Variants in RACK1 observed in about 807,000 individuals in gnomAD.
RACK1 encodes the protein receptor for activated C kinase 1, also known as small ribosomal subunit protein RACK1.
RACK1 carries 3 observed loss-of-function variants against 42.2 expected under a neutral mutation model. The ratio of observed to expected loss-of-function variants is 0.07; its 90% CI spans 0.03 to 0.18. RACK1 has a LOEUF of 0.18. RACK1 is among the 10% of genes least tolerant of loss of function. The pLI, the probability that RACK1 is intolerant of heterozygous loss-of-function variation, is 1.00. For missense variants in RACK1, 146 were observed against 403.2 expected, an observed-to-expected ratio of 0.36 and a Z score of 5.46; for synonymous variants, 181 against 154.8, an observed-to-expected ratio of 1.17 and a Z score of -1.25.
At chr5:181,242,493 T>C in intron 1 of RACK1, 148 bp from the exon 2 acceptor site, 1 of 673,070 alleles carries the variant, frequency 1.5e-6, no homozygotes, top group Non-Finnish European at 2.7e-6. Context: ...CAAGAGCAGT[T>C]ACAGACCAGG....
rs1381944212 is a variant in RACK1 at position 181,237,629 on chromosome 5, C to T, written c.868G>A (p.Ala290Thr). Residue 290 changes from alanine (A) to threonine (T), a missense_variant, in exon 7 of 8, where the codon GCC (alanine) becomes ACC (threonine). Coordinates refer to ENST00000512805, the MANE Select transcript of RACK1 (RefSeq NM_006098.5). ...CTTACCTGGCCATCAGCAGACCAGGCCAGGGAGGTGCACTGGGGTGGTTCT... is the reference window on the plus strand; with the variant it reads ...CTTACCTGGCCATCAGCAGACCAGGTCAGGGAGGTGCACTGGGGTGGTTCT... ...KAEPPQCTSL[A>T]WSADGQTLFA... The T allele has an allele frequency of 1.9e-6, 3 of 1,602,792 alleles. No individual in the cohort carries two copies. The highest frequency in any genetic ancestry group is 2.6e-6 in the Non-Finnish European group (3 of 1,169,652).
chr5:181,238,301 C>T lies in RACK1; in HGVS notation c.637-62G>A, dbSNP rs115830226. On this transcript the variant is annotated intron_variant, in intron 5 of 7. Coordinates refer to ENST00000512805, the MANE Select transcript of RACK1 (RefSeq NM_006098.5). Reference sequence around the variant, plus strand: ...TCTTCCAGATGTTAATTCTGCCCATCTCAAGATTCTGTCAGAATCAATTCT... The same window carrying T: ...TCTTCCAGATGTTAATTCTGCCCATTTCAAGATTCTGTCAGAATCAATTCT... 1,159 of 1,545,446 alleles carry T rather than the reference C, an allele frequency of 7.5e-4. 9 individuals are homozygous for T. In the African/African-American group the frequency reaches 0.014, roughly 19 times the overall value.
Position 181,239,143 on chromosome 5 carries a change from T to C in RACK1, c.560A>G (p.Asn187Ser). The change falls in exon 5 of 8, where the codon AAC (asparagine) becomes AGC (serine). Residue 187 changes from asparagine to serine, a missense_variant. Coordinates refer to ENST00000512805, the MANE Select transcript of RACK1 (RefSeq NM_006098.5). ...CAGATAGCCTGTGTGGCCAATGTGG[T>C]TGGTCTTCAGCTTGCAGTTAGCCAG... ...WNLANCKLKTNHIGHTGYLNT... is the reference protein window; with the variant it reads ...WNLANCKLKTSHIGHTGYLNT... 2 of 1,613,912 alleles carry C rather than the reference T, an allele frequency of 1.2e-6. No individual in the cohort carries two copies. Among genetic ancestry groups the C allele is most frequent in the Non-Finnish European group, 1.7e-6 (2 of 1,179,878 alleles).
chr5:181,239,644 C>G, intron 3 of RACK1, 62 bp from the exon 4 acceptor site: 1 of 1,041,250 alleles, frequency 9.6e-7, no homozygotes, highest in Non-Finnish European at 1.5e-6. Context: ...CTAGACCTCC[C>G]AGCCCTACCC....
intron 1 of RACK1, chr5:181,243,318 A>C (rs1319708087): frequency 2.9e-5 from 39 of 1,362,816 alleles, no homozygotes; most frequent in Non-Finnish European, 3.7e-5. Context: ...GCGGCAGCTC[A>C]GAAACAGCCT....
chr5:181,238,726 C>T (rs1334776230), intron 5 of RACK1: 8 of 368,550 alleles, frequency 2.2e-5, no homozygotes, highest in Middle Eastern at 9.3e-4. Flanking sequence ...TGCTTGAACC[C>T]GGGAGATGGT....
intron 3 of RACK1, 23 bp downstream of exon 3, chr5:181,241,469 T>C (rs1472199032): frequency 6.5e-7 from 1 of 1,544,572 alleles, no homozygotes; most frequent in Non-Finnish European, 8.8e-7. Context: ...GTGGAAGAGA[T>C]CCTTGGAGAT....
intron 5 of RACK1, chr5:181,238,463 CCAAT>C (rs1431155281): frequency 5.9e-6 from 3 of 508,500 alleles, no homozygotes; most frequent in African/African-American, 3.9e-5. Context: ...ATAAATCACT[CCAAT>C]CATTTCTGAA....
At chr5:181,237,483 C>G (rs1007822532) in intron 7 of RACK1, 126 bp downstream of exon 7, 3 of 690,620 alleles carry the variant, frequency 4.3e-6, no homozygotes, top group Non-Finnish European at 7.9e-6. Context: ...CCTCATCAAC[C>G]TGGCTTGTCA....
chr5:181,238,559 C>T (rs989189957), intron 5 of RACK1: 1 of 345,872 alleles, frequency 2.9e-6, no homozygotes, highest in African/African-American at 2.1e-5. Flanking sequence ...AATCCCAGCA[C>T]TTTGGGAAGC....
intron 6 of RACK1, 151 bp downstream of exon 6, chr5:181,237,946 ACC>A (rs1342130038): frequency 1.5e-6 from 1 of 657,218 alleles, no homozygotes; most frequent in African/African-American, 4.3e-5. Flanking sequence ...AGGACTGCAC[ACC>A]ACAACAGAGT....
intron 1 of RACK1, 93 bp from the exon 2 acceptor site, chr5:181,242,438 G>C: frequency 1.2e-6 from 1 of 831,820 alleles, no homozygotes; most frequent in East Asian, 2.6e-5. Flanking sequence ...TCATGAGTGG[G>C]TTAACAACAA....
chr5:181,239,183 T>A lies in RACK1; in HGVS notation c.526-6A>T. ...CAGTTAGCCAGGTTCCATACCTGCATAGACGTGCGGTTGACAGGTGAACAT... is the reference window on the plus strand; with the variant it reads ...CAGTTAGCCAGGTTCCATACCTGCAAAGACGTGCGGTTGACAGGTGAACAT... On this transcript the variant is annotated splice_polypyrimidine_tract_variant and splice_region_variant and intron_variant, in intron 4 of 7. Coordinates refer to ENST00000512805, the MANE Select transcript of RACK1 (RefSeq NM_006098.5). The A allele has an allele frequency of 6.3e-7, 1 of 1,583,792 alleles. No homozygotes were observed. Among genetic ancestry groups the A allele is most frequent in the Non-Finnish European group, 8.7e-7 (1 of 1,152,312 alleles).
In RACK1 at chr5:181,239,183, T is replaced by G. The variant is rs768888291; in HGVS notation, c.526-6A>C. The G allele has an allele frequency of 1.2e-5, 19 of 1,583,670 alleles. No homozygotes were observed. The highest frequency in any genetic ancestry group is 1.6e-5 in the Non-Finnish European group (19 of 1,152,318). The stretch of plus-strand genomic sequence containing the variant: ...CAGTTAGCCAGGTTCCATACCTGCA[T>G]AGACGTGCGGTTGACAGGTGAACAT... On this transcript the variant is annotated splice_polypyrimidine_tract_variant and splice_region_variant and intron_variant, in intron 4 of 7. Coordinates refer to ENST00000512805, the MANE Select transcript of RACK1 (RefSeq NM_006098.5).
At position 181,239,495 on chromosome 5, in the gene RACK1, G is replaced by C. The variant is rs1162683535; in HGVS notation, c.517C>G (p.Leu173Val). The change falls in exon 4 of 8, where the codon CTG becomes GTG. Residue 173 changes from leucine to valine, a missense_variant. Leu to Val is a conservative substitution (Grantham distance 32, BLOSUM62 1). Transcript: ENST00000512805. Reference protein sequence around the residue: ...PIIVSCGWDKLVKVWNLANCK... With the variant: ...PIIVSCGWDKVVKVWNLANCK... The stretch of plus-strand genomic sequence containing the variant: ...CTTGGCTTGACGCTCACCTTGACCA[G>C]CTTGTCCCAGCCACAGGAGACGATG... 1 of 1,612,316 alleles carries C rather than the reference G, an allele frequency of 6.2e-7. No individual in the cohort carries two copies. Among genetic ancestry groups the C allele is most frequent in the Non-Finnish European group, 8.5e-7 (1 of 1,178,498 alleles).
intron 5 of RACK1, 41 bp from the exon 6 acceptor site, chr5:181,238,280 C>T: frequency 2.5e-6 from 4 of 1,601,550 alleles, no homozygotes; most frequent in Non-Finnish European, 3.4e-6. Flanking sequence ...GTGACCTCTT[C>T]CAGATGTTAA....
At chr5:181,239,374 A>C (rs755576010) in intron 4 of RACK1, 113 bp downstream of exon 4, 1 of 815,650 alleles carries the variant, frequency 1.2e-6, no homozygotes, top group Non-Finnish European at 2.2e-6. Context: ...ACCATGTGAC[A>C]AGAGAAAGAG....
intron 1 of RACK1, 27 bp from the exon 2 acceptor site, chr5:181,242,372 T>G: frequency 6.5e-7 from 1 of 1,542,040 alleles, no homozygotes; most frequent in South Asian, 1.1e-5. Flanking sequence ...AGAAGAAAAA[T>G]CAGTGAGGAA....
chr5:181,237,460 C>T lies in RACK1; in HGVS notation c.888+149G>A, dbSNP rs1759183364. The T allele has an allele frequency of 4.5e-6, 3 of 670,078 alleles. No individual in the cohort carries two copies. The South Asian group carries it at 5.0e-5, about 11-fold the overall frequency. 41.5% of individuals were successfully genotyped at this position (670,078 alleles called of 1,614,324 possible). A position where few individuals can be genotyped will look rare whatever the true frequency, so the allele number is the denominator to read the frequency against. On this transcript the variant is annotated intron_variant, in intron 7 of 7. Transcript: ENST00000512805. ...TGCAGAAACACATTCACTGGCATGGCAAACGAGGGCATCCTCATCAACCTG... is the reference window on the plus strand; with the variant it reads ...TGCAGAAACACATTCACTGGCATGGTAAACGAGGGCATCCTCATCAACCTG...
Sources: allele counts gnomAD v4.1 joint callset, GRCh38; gene constraint gnomAD v4.1.1; transcripts MANE v1.5; gene names NCBI Gene and HGNC (gene_info 2026-07-23, HGNC 2026-07-21).